The following RBM47 variants were observed in gnomAD, a reference collection of about 807,000 sequenced individuals.
The protein encoded by RBM47 is RNA binding motif protein 47, also known as RNA-binding protein 47.
A neutral mutation model predicts 47.1 loss-of-function variants in RBM47; 21 were observed. That is an observed-to-expected ratio of 0.45 (90% CI 0.32 to 0.64). The LOEUF (loss-of-function observed/expected upper bound fraction) is 0.64, where lower values mean the gene tolerates loss of function less well. Among genes scored for constraint, RBM47 ranks in the 30% least tolerant of loss-of-function variants. The probability of loss-of-function intolerance (pLI) is 0.05; values close to 1 mark genes in which losing one functional copy is unlikely to be tolerated. For synonymous variants in RBM47, 375 were observed against 361.7 expected (o/e 1.04, Z -0.42); for missense variants, 708 against 870.9 (o/e 0.81, Z 2.35).
In RBM47 at chr4:40,574,775, C is replaced by T. The variant is rs183500159; in HGVS notation, c.-239-30269G>A. ...TGAGGCAGAAGAATCACTTGAACCC[C>T]GGAGGCAGAGGTTGCATTGAGCCAA... is the stretch of plus-strand genomic sequence containing the variant. On this transcript the variant is annotated intron_variant, in intron 1 of 6. Coordinates refer to ENST00000295971, the MANE Select transcript of RBM47 (RefSeq NM_001098634.2). Among the ~76,000 whole-genome samples the T allele has an allele frequency of 2.9e-3, 435 of 152,114 alleles. 1 individual carries two copies. The highest frequency in any genetic ancestry group is 9.9e-3 in the African/African-American group (410 of 41,494).
intron 2 of RBM47, among the ~76,000 whole-genome samples, chr4:40,541,263 C>CAAA (rs113154815): frequency 1.8e-5 from 2 of 110,818 alleles, no homozygotes; most frequent in Non-Finnish European, 4.1e-5. Flanking sequence ...AAGATTCTCT[C>CAAA]AAAAAAAAAA....
At chr4:40,490,581 T>C (rs1052392326) in intron 2 of RBM47, among the ~76,000 whole-genome samples, 9 of 151,898 alleles carry the variant, frequency 5.9e-5, no homozygotes, top group Non-Finnish European at 1.0e-4. Flanking sequence ...CAAAACATTG[T>C]TCAAAGAAAT....
At chr4:40,439,035 G>A (rs1713217844) in intron 3 of RBM47, 111 bp from the exon 4 acceptor site, 1 of 938,782 alleles carries the variant, frequency 1.1e-6, no homozygotes, top group African/African-American at 1.7e-5. Context: ...AAGGGGAGGT[G>A]GTTTAAATGA....
At chr4:40,485,972 G>A (rs1224989503) in intron 2 of RBM47, among the ~76,000 whole-genome samples, 1 of 149,948 alleles carries the variant, frequency 6.7e-6, no homozygotes, top group Non-Finnish European at 1.5e-5. Context: ...TTGGGGGTGT[G>A]AGGTGGGAGA....
At chr4:40,592,502 G>A (rs866315985) in intron 1 of RBM47, among the ~76,000 whole-genome samples, 23 of 149,024 alleles carry the variant, frequency 1.5e-4, no homozygotes, top group African/African-American at 4.2e-4. Flanking sequence ...TCAGCTCACC[G>A]CAACCTCCGC....
chr4:40,610,234 G>A (rs985540267), intron 1 of RBM47, among the ~76,000 whole-genome samples: 1 of 152,120 alleles, frequency 6.6e-6, no homozygotes, highest in African/African-American at 2.4e-5. Context: ...ACCTTTCTGT[G>A]CCTAGGTCTT....
At chr4:40,430,389 C>G (rs278978) in intron 6 of RBM47, among the ~76,000 whole-genome samples, 37,432 of 152,036 alleles carry the variant, frequency 0.25, 5,279 homozygotes, top group African/African-American at 0.39. Context: ...GAATTTCTTA[C>G]TAAAGGAGAA....
chr4:40,503,278 T>C (rs1275357265), intron 2 of RBM47, among the ~76,000 whole-genome samples: 2 of 152,100 alleles, frequency 1.3e-5, no homozygotes, highest in African/African-American at 4.8e-5. Flanking sequence ...GTAGATGCTT[T>C]TGGAGGTGCT....
At chr4:40,483,145 G>A (rs960103386) in intron 2 of RBM47, among the ~76,000 whole-genome samples, 1 of 152,204 alleles carries the variant, frequency 6.6e-6, no homozygotes, top group African/African-American at 2.4e-5. Context: ...AATTAGCGAG[G>A]AGTATAAGCT....
At chr4:40,610,389 G>A (rs774438330) in intron 1 of RBM47, among the ~76,000 whole-genome samples, 12 of 151,916 alleles carry the variant, frequency 7.9e-5, no homozygotes, top group Admixed American at 7.2e-4. Flanking sequence ...TTGGGAGGCC[G>A]AGGCAGGCAG....
intron 2 of RBM47, among the ~76,000 whole-genome samples, chr4:40,518,158 C>CTTTTTTTTTTTTTTTTTTTTTTTTTT (rs530465415): frequency 1.4e-5 from 1 of 70,682 alleles, no homozygotes; most frequent in African/African-American, 5.3e-5. Flanking sequence ...CTTTTCTTTT[C>CTTTTTTTTTTTTTTTTTTTTTTTTTT]TTTTTTTTTT....
chr4:40,477,073 C>T (rs1203804485), intron 2 of RBM47, among the ~76,000 whole-genome samples: 3 of 151,992 alleles, frequency 2.0e-5, no homozygotes, highest in Non-Finnish European at 4.4e-5. Context: ...ATCCCAACTA[C>T]TCGGAAGGCT....
rs1227100320 is a variant in RBM47, at chr4:40,437,787, C to T, written c.1107G>A (p.Arg369=). 1 of 1,601,690 alleles carries T rather than the reference C, an allele frequency of 6.2e-7. No homozygotes were observed. The highest frequency in any genetic ancestry group is 1.1e-5 in the South Asian group (1 of 90,806). Residue 369 remains arginine, a synonymous_variant, in exon 4 of 7, where the codon AGG becomes AGA. Transcript: ENST00000295971. The part of the protein sequence containing the change: ...YPYNALIGPN[R]DYFVKAGSIR... ...CCCACTAACCTTTCACAAAGTAGTCCCTGTTGGGCCCAATGAGCGCGTTGT... is the reference window on the plus strand; with the variant it reads ...CCCACTAACCTTTCACAAAGTAGTCTCTGTTGGGCCCAATGAGCGCGTTGT...
At chr4:40,627,451 C>A (rs1737848594) in intron 1 of RBM47, among the ~76,000 whole-genome samples, 1 of 152,106 alleles carries the variant, frequency 6.6e-6, no homozygotes, top group African/African-American at 2.4e-5. Context: ...CTGACCTTTT[C>A]TGAAAAATCA....
At chr4:40,590,898 G>A (rs186812602) in intron 1 of RBM47, among the ~76,000 whole-genome samples, 1 of 152,300 alleles carries the variant, frequency 6.6e-6, no homozygotes, top group East Asian at 1.9e-4. Flanking sequence ...CGCCTCCCAG[G>A]TTCAAGTGAT....
chr4:40,597,101 A>C (rs1293258160), intron 1 of RBM47, among the ~76,000 whole-genome samples: 3 of 152,068 alleles, frequency 2.0e-5, no homozygotes, highest in African/African-American at 7.2e-5. Flanking sequence ...TCTACTAAAA[A>C]CACAAAAAAT....
At chr4:40,535,799 C>T (rs1727915653) in intron 2 of RBM47, among the ~76,000 whole-genome samples, 1 of 152,116 alleles carries the variant, frequency 6.6e-6, no homozygotes, top group Non-Finnish European at 1.5e-5. Context: ...ACCTTATGAT[C>T]CGCCCACCTT....
In RBM47 at chr4:40,528,026, T is replaced by C. The variant is rs145184144; in HGVS notation, c.-155+16396A>G. ...GCCCATTAAGTACTAAAAAATCAATTCAACAAATACTTACGAAGTATTTCT... is the reference window on the plus strand; with the variant it reads ...GCCCATTAAGTACTAAAAAATCAATCCAACAAATACTTACGAAGTATTTCT... On this transcript the variant is annotated intron_variant, in intron 2 of 6. Transcript: ENST00000295971. Among the ~76,000 whole-genome samples the C allele has an allele frequency of 5.6e-4, 86 of 152,326 alleles. 1 individual carries two copies. Among genetic ancestry groups the C allele is most frequent in the African/African-American group, 2.0e-3 (83 of 41,576 alleles).
chr4:40,572,161 TA>T (rs1483893429), intron 1 of RBM47, among the ~76,000 whole-genome samples: 1 of 148,780 alleles, frequency 6.7e-6, no homozygotes, highest in African/African-American at 2.5e-5. Context: ...GGCGGGTGGA[TA>T]ACCTGAGGTC....
Sources: allele counts gnomAD v4.1 joint callset (sites outside exome capture counted in the v4.1 genomes callset), GRCh38; gene constraint gnomAD v4.1.1; transcripts MANE v1.5; gene names NCBI Gene and HGNC (gene_info 2026-07-23, HGNC 2026-07-21).